The following CLEC9A variants were observed in gnomAD, a reference collection of about 807,000 sequenced individuals.
CLEC9A encodes the protein C-type lectin domain family 9 member A.
A neutral mutation model predicts 30.0 loss-of-function variants in CLEC9A; 24 were observed. The observed-to-expected ratio is 0.80, with a 90% CI of 0.58 to 1.13. The LOEUF (loss-of-function observed/expected upper bound fraction) is 1.13. Ranked by LOEUF, CLEC9A falls within the 50% of genes most tolerant of loss-of-function variation. CLEC9A has a pLI of 0.00. For synonymous variants in CLEC9A, 111 were observed against 96.8 expected, an observed-to-expected ratio of 1.15 and a Z score of -0.86; for missense variants, 251 against 280.9, an observed-to-expected ratio of 0.89 and a Z score of 0.76.
At chr12:10,046,873 T>C (rs1466339849) in intron 2 of CLEC9A, among the ~76,000 whole-genome samples, 1 of 152,212 alleles carries the variant, frequency 6.6e-6, no homozygotes, top group Non-Finnish European at 1.5e-5. Context: ...AGTAATTTAG[T>C]GTCTTTAAAA....
At chr12:10,044,726 C>T (rs1865830680) in intron 2 of CLEC9A, among the ~76,000 whole-genome samples, 1 of 152,180 alleles carries the variant, frequency 6.6e-6, no homozygotes. Flanking sequence ...TTCTTTGTAA[C>T]TTTACCACTG....
At chr12:10,043,208 AC>A in intron 2 of CLEC9A, 1 of 406,690 alleles carries the variant, frequency 2.5e-6, no homozygotes, top group Non-Finnish European at 4.9e-6. Context: ...ATTTATGTTT[AC>A]AATAGGAATA....
intron 1 of CLEC9A, among the ~76,000 whole-genome samples, chr12:10,036,600 T>C (rs1423908675): frequency 6.6e-6 from 1 of 152,220 alleles, no homozygotes. Flanking sequence ...AGGCCATCCC[T>C]GTATATTAAT....
rs576244232 is a variant in CLEC9A, at chr12:10,051,124, G to A, written c.-162-867G>A. 5.3e-5 allele frequency among the ~76,000 whole-genome samples: 8 copies of A among 151,218 alleles called. No homozygotes were observed. In the East Asian group the frequency reaches 1.2e-3, roughly 22 times the overall value. On this transcript the variant is annotated intron_variant, in intron 2 of 8. Transcript: ENST00000355819. ...GGAAGCTGAGGCAGGAGAATTGCTC[G>A]AACCCAGGAGGCAGAGGTTGCAGTG...
At position 10,054,320 on chromosome 12, in the gene CLEC9A, A is replaced by T; in HGVS notation, c.141A>T (p.Leu47Phe). 1.9e-6 allele frequency: 3 copies of T among 1,613,126 alleles called. No homozygotes were observed. Among genetic ancestry groups the T allele is most frequent in the Non-Finnish European group, 2.5e-6 (3 of 1,179,368 alleles). ...TTTCATGTGTTTTCTGCATGGGATT[A>T]TTAACAGCATCCATTTTCTTGGGCG... The part of the protein sequence containing the change: ...MVISCVFCMG[L>F]LTASIFLGVK... The change falls in exon 5 of 9, where the codon TTA becomes TTT. Residue 47 changes from leucine to phenylalanine, a missense_variant. By Grantham distance (22) the Leu-to-Phe change is conservative (BLOSUM62 0). Transcript: ENST00000355819.
intron 1 of CLEC9A, chr12:10,040,847 G>T: frequency 5.4e-6 from 1 of 186,590 alleles, no homozygotes; most frequent in South Asian, 9.3e-5. Context: ...TTTACATCTA[G>T]CTGTCATGCA....
chr12:10,033,979 G>A (rs907019434), intron 1 of CLEC9A, among the ~76,000 whole-genome samples: 5 of 152,330 alleles, frequency 3.3e-5, no homozygotes, highest in Admixed American at 6.5e-5. Context: ...ATGGCCACAA[G>A]GAGGAGACAG....
Position 10,065,699 on chromosome 12 carries a change from C to T in CLEC9A, c.*67C>T, listed in dbSNP as rs762307322. The T allele has an allele frequency of 1.1e-5, 17 of 1,558,104 alleles. No individual in the cohort carries two copies. Among genetic ancestry groups the T allele is most frequent in the South Asian group, 5.9e-5 (5 of 84,814 alleles). On this transcript the variant is annotated 3_prime_UTR_variant, in exon 9 of 9. Transcript: ENST00000355819. ...AGCATGCCATTGGAAAACCCACCCC[C>T]ACCCCCCCTCAAAAAAACAGAACAG...
At chr12:10,034,524 TCTTTACTATCTGTGCTCCCCACC>T (rs1367030424) in intron 1 of CLEC9A, among the ~76,000 whole-genome samples, 1 of 152,238 alleles carries the variant, frequency 6.6e-6, no homozygotes, top group Non-Finnish European at 1.5e-5. Flanking sequence ...TTTCTATGTT[TCTTTACTATCTGTGCTCCCCACC>T]CTTTACTATA....
intron 1 of CLEC9A, among the ~76,000 whole-genome samples, 192 bp downstream of exon 1, chr12:10,031,164 A>AATG (rs1415077085): frequency 6.6e-6 from 1 of 152,210 alleles, no homozygotes; most frequent in Non-Finnish European, 1.5e-5. Flanking sequence ...AGAAATAATG[A>AATG]ATGATATGTG....
intron 5 of CLEC9A, 86 bp from the exon 6 acceptor site, chr12:10,061,041 T>C: frequency 7.0e-7 from 1 of 1,429,950 alleles, no homozygotes; most frequent in East Asian, 2.6e-5. Flanking sequence ...ATAATAGTAA[T>C]TTGTACTTGT....
Position 10,063,185 on chromosome 12 carries a change from A to G in CLEC9A, c.450A>G (p.Gln150=). 1 of 1,604,560 alleles carries G rather than the reference A, an allele frequency of 6.2e-7. No individual in the cohort carries two copies. Among genetic ancestry groups the G allele is most frequent in the Non-Finnish European group, 8.5e-7 (1 of 1,177,158 alleles). ...NCLKEGSTLL[Q]IESKEEMDFI... The stretch of plus-strand genomic sequence containing the variant: ...TAAAGGAAGGTTCCACGCTGCTACA[A>G]ATAGAGAGCAAAGAAGAAATGGTAA... Residue 150 remains glutamine, a synonymous_variant, in exon 7 of 9, where the codon CAA becomes CAG. Transcript: ENST00000355819.
intron 2 of CLEC9A, among the ~76,000 whole-genome samples, chr12:10,047,013 G>A (rs764284044): frequency 1.3e-5 from 2 of 152,074 alleles, no homozygotes; most frequent in African/African-American, 2.4e-5. Flanking sequence ...CTCAATAAGT[G>A]TGTTACTCTT....
chr12:10,059,904 G>A (rs1464366151), intron 5 of CLEC9A, among the ~76,000 whole-genome samples: 4 of 152,024 alleles, frequency 2.6e-5, no homozygotes, highest in African/African-American at 7.2e-5. Context: ...ATGAAAAGAC[G>A]TTTCACCAGA....
rs1015517462 is a variant in CLEC9A, at chr12:10,030,703, T to A, written c.-587T>A. On this transcript the variant is annotated 5_prime_UTR_variant, in exon 1 of 9. Transcript: ENST00000355819. ...GTTTGTACCCGGCTGTGGCAATCTG[T>A]GGTGAAGTTGAAATGCTTTTCTGCT... 6.6e-6 allele frequency: 1 copy of A among 152,148 alleles called. No individual in the cohort carries two copies. The highest frequency in any genetic ancestry group is 2.4e-5 in the African/African-American group (1 of 41,420). The allele number at this position is 152,148 out of a possible 1,614,324, so 9.4% of individuals were successfully genotyped here. A position where few individuals can be genotyped will look rare whatever the true frequency, so the allele number is the denominator to read the frequency against.
At chr12:10,032,389 CTTTTTTT>C (rs10647036) in intron 1 of CLEC9A, among the ~76,000 whole-genome samples, 1 of 117,252 alleles carries the variant, frequency 8.5e-6, no homozygotes, top group Non-Finnish European at 1.7e-5. Context: ...TTAGGGATTT[CTTTTTTT>C]TTTTTTTTTT....
intron 1 of CLEC9A, among the ~76,000 whole-genome samples, chr12:10,032,451 C>T (rs1865707116): frequency 7.4e-6 from 1 of 134,562 alleles, no homozygotes; most frequent in Non-Finnish European, 1.5e-5. Context: ...ACTGCAGTGG[C>T]GCAATCTCGG....
intron 1 of CLEC9A, among the ~76,000 whole-genome samples, chr12:10,031,414 G>C (rs1485506164): frequency 2.0e-5 from 3 of 152,168 alleles, no homozygotes; most frequent in Non-Finnish European, 4.4e-5. Context: ...AAATCTCCAG[G>C]AGGCCATCCC....
At chr12:10,048,897 T>C (rs1865870287) in intron 2 of CLEC9A, among the ~76,000 whole-genome samples, 1 of 152,216 alleles carries the variant, frequency 6.6e-6, no homozygotes, top group African/African-American at 2.4e-5. Context: ...GAATAGTAAA[T>C]CCTTTCCAGG....
Sources: allele counts gnomAD v4.1 joint callset (sites outside exome capture counted in the v4.1 genomes callset), GRCh38; gene constraint gnomAD v4.1.1; transcripts MANE v1.5; gene names NCBI Gene and HGNC (gene_info 2026-07-23, HGNC 2026-07-21).